ADGRV1: variants seen among roughly 807,000 people sequenced by gnomAD.
ADGRV1 encodes G-protein coupled receptor 98.
ADGRV1 carries 359 observed loss-of-function variants against 596.2 expected under a neutral mutation model. The ratio of observed to expected loss-of-function variants is 0.60; its 90% CI spans 0.55 to 0.66. The LOEUF (loss-of-function observed/expected upper bound fraction) is 0.66. Among genes scored for constraint, ADGRV1 ranks in the 30% least tolerant of loss-of-function variants. The probability of loss-of-function intolerance (pLI) is 0.00; values close to 1 mark genes in which losing one functional copy is unlikely to be tolerated. For missense variants in ADGRV1, 7,274 were observed against 7,575.6 expected (o/e 0.96, Z 1.48); for synonymous variants, 2,681 against 2,679.2 (o/e 1.00, Z -0.02).
intron 85 of ADGRV1, among the ~76,000 whole-genome samples, chr5:91,058,989 A>G (rs543207520): frequency 2.0e-5 from 3 of 152,200 alleles, no homozygotes; most frequent in Non-Finnish European, 2.9e-5. Flanking sequence ...CTTTTCTCTG[A>G]CACATAAATA....
intron 70 of ADGRV1, among the ~76,000 whole-genome samples, chr5:90,800,684 T>C (rs1161791439): frequency 6.6e-6 from 1 of 152,124 alleles, no homozygotes; most frequent in Non-Finnish European, 1.5e-5. Flanking sequence ...CAAATGTCCA[T>C]CAGTGATAGA....
intron 1 of ADGRV1, among the ~76,000 whole-genome samples, chr5:90,559,870 A>AAAC (rs138502861): frequency 2.0e-5 from 3 of 152,018 alleles, no homozygotes; most frequent in African/African-American, 7.3e-5. Context: ...TAATTAGATC[A>AAAC]AACAACAACA....
intron 28 of ADGRV1, 128 bp downstream of exon 28, chr5:90,684,323 C>T: frequency 1.2e-6 from 1 of 864,200 alleles, no homozygotes; most frequent in East Asian, 2.7e-5. Context: ...TGTCCTCTTA[C>T]AACAGTTTAC....
intron 52 of ADGRV1, among the ~76,000 whole-genome samples, chr5:90,746,508 A>C (rs1754644199): frequency 6.6e-6 from 1 of 152,102 alleles, no homozygotes; most frequent in Non-Finnish European, 1.5e-5. Context: ...AACCTAACCC[A>C]AGTTTGCCTG....
intron 83 of ADGRV1, among the ~76,000 whole-genome samples, chr5:90,893,840 G>T (rs555749886): frequency 6.6e-6 from 1 of 152,086 alleles, no homozygotes; most frequent in Non-Finnish European, 1.5e-5. Context: ...GTGACAAAAG[G>T]TTGTTCATTT....
At chr5:91,143,539 A>G (rs1795278369) in intron 87 of ADGRV1, among the ~76,000 whole-genome samples, 1 of 152,168 alleles carries the variant, frequency 6.6e-6, no homozygotes, top group Non-Finnish European at 1.5e-5. Context: ...CAGAGTAGGT[A>G]GCTTGTCTCC....
At chr5:90,958,308 AGAAAAGAAAAAGGG>A (rs1777680145) in intron 83 of ADGRV1, among the ~76,000 whole-genome samples, 1 of 150,164 alleles carries the variant, frequency 6.7e-6, no homozygotes, top group African/African-American at 2.4e-5. Flanking sequence ...AAAAAAGAAA[AGAAAAGAAAAAGGG>A]AAAAAGAAAA....
intron 20 of ADGRV1, among the ~76,000 whole-genome samples, chr5:90,656,838 A>G (rs1159900874): frequency 6.6e-6 from 1 of 152,200 alleles, no homozygotes; most frequent in Non-Finnish European, 1.5e-5. Flanking sequence ...ACAGGTAAAG[A>G]AAGGAGAACT....
At chr5:91,066,711 A>G (rs1787912857) in intron 85 of ADGRV1, among the ~76,000 whole-genome samples, 2 of 152,250 alleles carry the variant, frequency 1.3e-5, no homozygotes, top group African/African-American at 2.4e-5. Context: ...CTCCTTTGCA[A>G]ATGTTAAGTG....
Position 90,617,696 on chromosome 5 carries a change from A to C in ADGRV1, c.208-108A>C, listed in dbSNP as rs542175253. Reference sequence around the variant, plus strand: ...TTTTGTACACCCTATCTATAAACATAAATGTCACTTGATTTATGCTTTTTC... The same window carrying C: ...TTTTGTACACCCTATCTATAAACATCAATGTCACTTGATTTATGCTTTTTC... On this transcript the variant is annotated intron_variant, in intron 2 of 89. Transcript: ENST00000405460. The C allele has an allele frequency of 5.9e-5, 54 of 922,098 alleles. No individual in the cohort carries two copies. The South Asian group carries it at 1.0e-3, about 18-fold the overall frequency. 57.1% of individuals were successfully genotyped at this position (922,098 alleles called of 1,614,324 possible). A position where few individuals can be genotyped will look rare whatever the true frequency, so the allele number is the denominator to read the frequency against.
rs747605623 is a variant in ADGRV1, at chr5:90,781,583, G to C, written c.13231+5G>C. 27 of 1,593,728 alleles carry C rather than the reference G, an allele frequency of 1.7e-5. No homozygotes were observed. The highest frequency in any genetic ancestry group is 2.0e-5 in the Non-Finnish European group (23 of 1,168,118). On this transcript the variant is annotated splice_donor_5th_base_variant and intron_variant, in intron 65 of 89. Transcript: ENST00000405460. ...CAAAGTATACTGCCTTCGAAGGTAG[G>C]TTCAGTCAGCTAGCTTGTAAGTAAG...
At chr5:90,610,606 T>A (rs568021973) in intron 1 of ADGRV1, among the ~76,000 whole-genome samples, 2 of 152,108 alleles carry the variant, frequency 1.3e-5, no homozygotes, top group South Asian at 4.1e-4. Flanking sequence ...TAGCGTGGTG[T>A]CCTTTCATGA....
intron 75 of ADGRV1, 30 bp from the exon 76 acceptor site, chr5:90,823,395 T>C: frequency 6.2e-7 from 1 of 1,609,092 alleles, no homozygotes; most frequent in Non-Finnish European, 8.5e-7. Flanking sequence ...ACACCCTCTG[T>C]TAAGGCATTG....
chr5:90,812,599 G>T (rs1762539015), intron 74 of ADGRV1, among the ~76,000 whole-genome samples: 1 of 152,064 alleles, frequency 6.6e-6, no homozygotes, highest in Non-Finnish European at 1.5e-5. Context: ...GCTTCCTAGA[G>T]TTCGTATTTT....
intron 85 of ADGRV1, among the ~76,000 whole-genome samples, chr5:91,037,307 G>A (rs575724143): frequency 1.3e-4 from 20 of 152,206 alleles, no homozygotes; most frequent in Non-Finnish European, 2.6e-4. Context: ...CTGCTGTAGA[G>A]GAAAGCAACT....
intron 87 of ADGRV1, among the ~76,000 whole-genome samples, chr5:91,110,836 T>C (rs988516985): frequency 1.3e-5 from 2 of 152,214 alleles, no homozygotes; most frequent in African/African-American, 4.8e-5. Context: ...CTTCTCAGTA[T>C]GTCAGTTATG....
chr5:90,719,041 A>T (rs2149760400), intron 43 of ADGRV1, among the ~76,000 whole-genome samples: 1 of 152,290 alleles, frequency 6.6e-6, no homozygotes, highest in South Asian at 2.1e-4. Flanking sequence ...CTCAGATTAA[A>T]ATATTTAACA....
chr5:90,984,330 G>A (rs531530149), intron 84 of ADGRV1, among the ~76,000 whole-genome samples: 4 of 152,084 alleles, frequency 2.6e-5, no homozygotes, highest in Admixed American at 6.5e-5. Flanking sequence ...GTATGGCATG[G>A]CATTCAATAT....
intron 83 of ADGRV1, among the ~76,000 whole-genome samples, chr5:90,885,872 AGGAGGGAGAGAG>A (rs1486190043): frequency 2.0e-5 from 3 of 150,872 alleles, no homozygotes; most frequent in Admixed American, 2.0e-4. Flanking sequence ...AAGAAAGGGA[AGGAGGGAGAGAG>A]GGAGGGAGGA....
Sources: gnomAD v4.1 joint callset for allele counts (sites outside exome capture counted in the v4.1 genomes callset) on GRCh38, gnomAD v4.1.1 for gene constraint, MANE v1.5 for transcripts, NCBI Gene and HGNC (gene_info 2026-07-23, HGNC 2026-07-21) for gene names.